The following ZNF469 variants were observed in gnomAD, a reference collection of about 807,000 sequenced individuals.
ZNF469 encodes zinc finger protein 469.
ZNF469 carries 1 observed loss-of-function variant against 1.0 expected under a neutral mutation model. The observed-to-expected ratio is 1.00, with a 90% CI of 0.35 to 4.73. The LOEUF (loss-of-function observed/expected upper bound fraction) is 4.73, where lower values mean the gene tolerates loss of function less well. Ranked by LOEUF, ZNF469 falls within the 30% of genes most tolerant of loss-of-function variation. The pLI is 0.16. For synonymous variants in ZNF469, 2,703 were observed against 2,363.4 expected, an observed-to-expected ratio of 1.14 and a Z score of -4.17; for missense variants, 6,100 against 5,356.3, an observed-to-expected ratio of 1.14 and a Z score of -4.33.
chr16:88,315,828 C>T, the ZNF469 span, among the ~76,000 whole-genome samples: 9 of 152,182 alleles, frequency 5.9e-5, no homozygotes, highest in South Asian at 2.1e-4. Context: ...GTGGGAGACA[C>T]GGAGCAGCGG....
rs1266016114 is a variant in ZNF469 at position 88,437,641 on chromosome 16, C to G, written c.10171C>G (p.Leu3391Val). 1 of 1,543,040 alleles carries G rather than the reference C, an allele frequency of 6.5e-7. No individual in the cohort carries two copies. Among genetic ancestry groups the G allele is most frequent in the Admixed American group, 2.0e-5 (1 of 50,800 alleles). ...LAHLGGAHGL[L>V]ERPELQHTPL... is the part of the protein sequence containing the mutation. ...ACACCTGGGCGGGGCGCACGGGCTG[C>G]TGGAGCGGCCGGAGCTGCAGCACAC... is the stretch of plus-strand genomic sequence containing the variant. Residue 3391 changes from leucine (L) to valine (V), a missense_variant, in exon 3 of 3, where the codon CTG (leucine) becomes GTG (valine). By Grantham distance (32) the Leu-to-Val change is conservative. Transcript: ENST00000565624.
In ZNF469 at chr16:88,437,411, A is replaced by C. The variant is rs757791330; in HGVS notation, c.9941A>C (p.Asp3314Ala). 2 of 1,520,388 alleles carry C rather than the reference A, an allele frequency of 1.3e-6. No homozygotes were observed. 94.2% of individuals were successfully genotyped at this position (1,520,388 alleles called of 1,614,324 possible). The stretch of plus-strand genomic sequence containing the variant: ...AGGACGACCCCCAGCCCGTCCCCCG[A>C]CCCCTGGGCCGGCGGGGAGCCCCTC... ...PPRTTPSPSP[D>A]PWAGGEPLLQ... Residue 3314 changes from aspartate to alanine, a missense_variant, in exon 3 of 3, where the codon GAC (aspartate) becomes GCC (alanine). Transcript: ENST00000565624.
chr16:88,147,087 C>G, the ZNF469 span, among the ~76,000 whole-genome samples: 2 of 152,204 alleles, frequency 1.3e-5, no homozygotes, highest in East Asian at 3.9e-4. Context: ...ACTGAGGTTC[C>G]CTTTCCAGGG....
At chr16:88,302,603 G>C in the ZNF469 span, 1 of 152,278 alleles carries the variant, frequency 6.6e-6, no homozygotes, top group Non-Finnish European at 1.5e-5. Flanking sequence ...GGAGATACAG[G>C]GTCAGGCTGT....
chr16:88,227,965 A>G, the ZNF469 span, among the ~76,000 whole-genome samples: 10 of 152,216 alleles, frequency 6.6e-5, no homozygotes, highest in South Asian at 2.1e-3. Context: ...AACTTGGCTC[A>G]CAGGTGCACC....
At chr16:88,235,449 C>T in the ZNF469 span, among the ~76,000 whole-genome samples, 1 of 152,260 alleles carries the variant, frequency 6.6e-6, no homozygotes. Context: ...CCCAGAGCCT[C>T]TGCCTCTCCT....
the ZNF469 span, among the ~76,000 whole-genome samples, chr16:88,377,776 G>A: frequency 5.9e-5 from 9 of 152,106 alleles, no homozygotes; most frequent in South Asian, 4.2e-4. Context: ...CTCAGGGCGC[G>A]GACCACGCCA....
Position 88,436,557 on chromosome 16 carries a change from C to A in ZNF469, c.9087C>A (p.Asp3029Glu), listed in dbSNP as rs780843955. Reference sequence around the variant, plus strand: ...CCAGCCTGGAGAGAGAACGCTGTGACGGTGGGCTTCCCGGGAACACCCACC... The same window carrying A: ...CCAGCCTGGAGAGAGAACGCTGTGAAGGTGGGCTTCCCGGGAACACCCACC... Reference protein sequence around the residue: ...EPPSLERERCDGGLPGNTHLL... With the variant: ...EPPSLERERCEGGLPGNTHLL... Residue 3029 changes from aspartate to glutamate, a missense_variant, in exon 3 of 3, where the codon GAC (aspartate) becomes GAA (glutamate). Asp to Glu is a conservative substitution (Grantham distance 45). Transcript: ENST00000565624. 1.3e-6 allele frequency: 2 copies of A among 1,549,678 alleles called. No individual in the cohort carries two copies. Among genetic ancestry groups the A allele is most frequent in the Non-Finnish European group, 1.7e-6 (2 of 1,146,952 alleles).
chr16:88,428,345 T>G lies in ZNF469; in HGVS notation c.875T>G (p.Val292Gly), dbSNP rs1905851365. The change falls in exon 3 of 3, where the codon GTG becomes GGG. Residue 292 changes from valine to glycine, a missense_variant. Coordinates refer to ENST00000565624, the MANE Select transcript of ZNF469 (RefSeq NM_001367624.2). ...AGCACAAAACCCTTCCCTGCGGATG[T>G]GGCTGGGCACGCATTCACCAATGGG... is the stretch of plus-strand genomic sequence containing the variant. ...GASTKPFPAD[V>G]AGHAFTNGPL... 9 of 1,549,648 alleles carry G rather than the reference T, an allele frequency of 5.8e-6. No individual in the cohort carries two copies. Among genetic ancestry groups the G allele is most frequent in the African/African-American group, 1.4e-5 (1 of 73,166 alleles).
At chr16:88,398,993 C>A (rs1481761704) in intron 1 of ZNF469, among the ~76,000 whole-genome samples, 1 of 152,230 alleles carries the variant, frequency 6.6e-6, no homozygotes, top group Admixed American at 6.5e-5. Context: ...GATAAGAAAA[C>A]ACAGCATAGA....
intron 1 of ZNF469, among the ~76,000 whole-genome samples, chr16:88,395,518 C>T (rs895492512): frequency 1.3e-5 from 2 of 151,798 alleles, no homozygotes; most frequent in South Asian, 4.2e-4. Context: ...AATTATATAA[C>T]TGATATGTTC....
the ZNF469 span, among the ~76,000 whole-genome samples, chr16:88,179,980 T>C: frequency 6.6e-6 from 1 of 152,226 alleles, no homozygotes; most frequent in African/African-American, 2.4e-5. Flanking sequence ...TCATAAGCCC[T>C]ACTGCAACCA....
At chr16:88,221,681 G>A in the ZNF469 span, among the ~76,000 whole-genome samples, 3 of 152,174 alleles carry the variant, frequency 2.0e-5, no homozygotes, top group Non-Finnish European at 2.9e-5. Flanking sequence ...ACCACACACC[G>A]GGGGGCTTCA....
At chr16:88,269,525 G>T in the ZNF469 span, among the ~76,000 whole-genome samples, 2 of 151,908 alleles carry the variant, frequency 1.3e-5, no homozygotes, top group African/African-American at 4.8e-5. Flanking sequence ...ATCTTACTAT[G>T]TGACTTTCCA....
the ZNF469 span, among the ~76,000 whole-genome samples, chr16:88,270,956 C>A: frequency 6.6e-5 from 10 of 152,382 alleles, no homozygotes; most frequent in South Asian, 2.1e-3. Flanking sequence ...TCGGGGCTGG[C>A]ATCCAGGCTG....
At chr16:88,265,098 C>T in the ZNF469 span, among the ~76,000 whole-genome samples, 36 of 152,176 alleles carry the variant, frequency 2.4e-4, no homozygotes, top group South Asian at 3.5e-3. Flanking sequence ...ACTCCGCCCT[C>T]ATCCTGTCAG....
chr16:88,236,126 C>T, the ZNF469 span, among the ~76,000 whole-genome samples: 1 of 152,310 alleles, frequency 6.6e-6, no homozygotes, highest in Admixed American at 6.5e-5. Context: ...CCCTTCAAGG[C>T]AATAGATGGC....
rs944590848 is a variant in ZNF469 at position 88,382,967 on chromosome 16, C to A, written c.-479C>A. Among the ~76,000 whole-genome samples, 1 of 151,932 alleles carries A rather than the reference C, an allele frequency of 6.6e-6. No individual in the cohort carries two copies. Among genetic ancestry groups the A allele is most frequent in the South Asian group, 2.1e-4 (1 of 4,826 alleles). Reference sequence around the variant, plus strand: ...CCCAGCCTCCGGGGGGCAGACCCCGCGGCCGCCGGCCGGCGTCCGGCCTTC... The same window carrying A: ...CCCAGCCTCCGGGGGGCAGACCCCGAGGCCGCCGGCCGGCGTCCGGCCTTC... On this transcript the variant is annotated 5_prime_UTR_variant, in exon 1 of 3. Transcript: ENST00000565624.
chr16:88,105,948 C>T, the ZNF469 span, among the ~76,000 whole-genome samples: 1 of 152,250 alleles, frequency 6.6e-6, no homozygotes, highest in Non-Finnish European at 1.5e-5. Flanking sequence ...GCCCAGGAGG[C>T]TCCATCATGG....
Sources: allele counts gnomAD v4.1 joint callset (sites outside exome capture counted in the v4.1 genomes callset), GRCh38; gene constraint gnomAD v4.1.1; transcripts MANE v1.5; gene names NCBI Gene and HGNC (gene_info 2026-07-23, HGNC 2026-07-21).